The following EXOC2 variants were observed in gnomAD, a reference collection of about 807,000 sequenced individuals.
EXOC2 encodes SEC5-like 1.
A neutral mutation model predicts 131.8 loss-of-function variants in EXOC2; 70 were observed. The observed-to-expected ratio is 0.53, with a 90% CI of 0.44 to 0.65. EXOC2 has a LOEUF of 0.65. Ranked by LOEUF, EXOC2 falls within the 30% of genes least tolerant of loss-of-function variation. EXOC2 has a pLI of 0.00. For synonymous variants in EXOC2, 411 were observed against 398.4 expected, an observed-to-expected ratio of 1.03 and a Z score of -0.38; for missense variants, 923 against 1,108.6, an observed-to-expected ratio of 0.83 and a Z score of 2.38.
chr6:608,215 A>C (rs1443048584), intron 7 of EXOC2, among the ~76,000 whole-genome samples: 1 of 152,194 alleles, frequency 6.6e-6, no homozygotes, highest in African/African-American at 2.4e-5. Flanking sequence ...GATAACTACG[A>C]ACCCGCCTGG....
intron 6 of EXOC2, among the ~76,000 whole-genome samples, chr6:614,449 A>AAT (rs1760881933): frequency 6.6e-6 from 1 of 152,164 alleles, no homozygotes; most frequent in Non-Finnish European, 1.5e-5. Flanking sequence ...CATGGATGAA[A>AAT]ATTTCCTAGA....
At chr6:628,229 C>T (rs555120451) in intron 4 of EXOC2, among the ~76,000 whole-genome samples, 1 of 152,312 alleles carries the variant, frequency 6.6e-6, no homozygotes, top group East Asian at 1.9e-4. Flanking sequence ...AGTGGCACAG[C>T]CCAAGTTCAA....
At chr6:534,980 G>A (rs957284658) in intron 22 of EXOC2, among the ~76,000 whole-genome samples, 1 of 152,214 alleles carries the variant, frequency 6.6e-6, no homozygotes, top group Non-Finnish European at 1.5e-5. Flanking sequence ...ATCTGCAAGA[G>A]AGAACCAGTG....
At chr6:549,017 A>T (rs988061866) in intron 22 of EXOC2, among the ~76,000 whole-genome samples, 158 bp downstream of exon 22, 1 of 152,212 alleles carries the variant, frequency 6.6e-6, no homozygotes, top group African/African-American at 2.4e-5. Context: ...GAAGGGAATC[A>T]TCCAAAGCTT....
At chr6:537,468 C>T (rs560708360) in intron 22 of EXOC2, among the ~76,000 whole-genome samples, 4 of 151,214 alleles carry the variant, frequency 2.6e-5, no homozygotes, top group East Asian at 2.0e-4. Flanking sequence ...TGATGGCCGA[C>T]GGAGCGTACA....
chr6:566,893 G>A (rs1757994855), intron 13 of EXOC2, among the ~76,000 whole-genome samples: 1 of 152,052 alleles, frequency 6.6e-6, no homozygotes, highest in African/African-American at 2.4e-5. Flanking sequence ...CTCTTTCTTA[G>A]GTCTTTCTGG....
At chr6:542,131 T>C (rs1201826215) in intron 22 of EXOC2, among the ~76,000 whole-genome samples, 3 of 152,178 alleles carry the variant, frequency 2.0e-5, no homozygotes, top group African/African-American at 7.2e-5. Context: ...AGAAGGTGGG[T>C]GGCATGGCTG....
intron 22 of EXOC2, among the ~76,000 whole-genome samples, chr6:540,773 T>G (rs1392302696): frequency 2.0e-5 from 3 of 152,120 alleles, no homozygotes; most frequent in Non-Finnish European, 4.4e-5. Flanking sequence ...GGCTTAGAAC[T>G]TTCCAGAATT....
chr6:655,894 A>G (rs1486999738), intron 1 of EXOC2: 2 of 462,136 alleles, frequency 4.3e-6, no homozygotes, highest in African/African-American at 3.9e-5. Context: ...CTTAAGCAGG[A>G]AAAAAACCTG....
intron 1 of EXOC2, among the ~76,000 whole-genome samples, chr6:655,784 A>T (rs1384546008): frequency 1.3e-5 from 2 of 152,224 alleles, no homozygotes; most frequent in Non-Finnish European, 2.9e-5. Context: ...TTTATAATAA[A>T]ATACTGATGC....
At chr6:527,481 C>T (rs770507113) in intron 23 of EXOC2, among the ~76,000 whole-genome samples, 1 of 152,258 alleles carries the variant, frequency 6.6e-6, no homozygotes, top group Non-Finnish European at 1.5e-5. Flanking sequence ...CATTTTCTTT[C>T]TCTTCAATTT....
chr6:691,322 A>AT (rs910603995), intron 1 of EXOC2, among the ~76,000 whole-genome samples: 24 of 152,240 alleles, frequency 1.6e-4, no homozygotes, highest in African/African-American at 5.5e-4. Flanking sequence ...TTATACACGG[A>AT]TTTTTTCAAC....
intron 1 of EXOC2, among the ~76,000 whole-genome samples, chr6:672,391 T>A (rs983442956): frequency 6.6e-6 from 1 of 152,270 alleles, no homozygotes; most frequent in Non-Finnish European, 1.5e-5. Context: ...GCTGGTTTGA[T>A]CATTCTAACA....
At chr6:542,688 C>A (rs1248650678) in intron 22 of EXOC2, among the ~76,000 whole-genome samples, 1 of 152,154 alleles carries the variant, frequency 6.6e-6, no homozygotes, top group Admixed American at 6.5e-5. Flanking sequence ...ACAACACAAG[C>A]TACAGATAAA....
At chr6:548,682 C>T (rs899309593) in intron 22 of EXOC2, among the ~76,000 whole-genome samples, 1 of 152,078 alleles carries the variant, frequency 6.6e-6, no homozygotes, top group African/African-American at 2.4e-5. Flanking sequence ...TGTGTGCACG[C>T]GTGCATGCAC....
At chr6:535,419 A>G (rs1316927678) in intron 22 of EXOC2, among the ~76,000 whole-genome samples, 1 of 152,268 alleles carries the variant, frequency 6.6e-6, no homozygotes, top group East Asian at 1.9e-4. Flanking sequence ...AGAAACGATA[A>G]GCTCCTGGGC....
chr6:652,526 C>T (rs529504327), intron 1 of EXOC2, among the ~76,000 whole-genome samples: 1 of 152,318 alleles, frequency 6.6e-6, no homozygotes, highest in South Asian at 2.1e-4. Flanking sequence ...GCTTATCTTA[C>T]TGCATAAGCC....
intron 2 of EXOC2, 78 bp downstream of exon 2, chr6:637,623 T>C (rs1415126384): frequency 5.3e-6 from 6 of 1,139,522 alleles, no homozygotes; most frequent in Non-Finnish European, 7.5e-6. Flanking sequence ...CTTCACTGTT[T>C]GAAAATTACA....
chr6:643,392 G>C lies in EXOC2; in HGVS notation c.-43-5531C>G, dbSNP rs150963838. ...GAAGATTACAAAGGAATCTTCGTTA[G>C]CAATAGAAACACAATATCCAGAAAA... On this transcript the variant is annotated intron_variant, in intron 1 of 27. Transcript: ENST00000230449. Among the ~76,000 whole-genome samples, 383 of 152,174 alleles carry C rather than the reference G, an allele frequency of 2.5e-3. 1 individual carries two copies. Among genetic ancestry groups the C allele is most frequent in the African/African-American group, 8.3e-3 (343 of 41,534 alleles).
Sources: allele counts gnomAD v4.1 joint callset (sites outside exome capture counted in the v4.1 genomes callset), GRCh38; gene constraint gnomAD v4.1.1; transcripts MANE v1.5; gene names NCBI Gene and HGNC (gene_info 2026-07-23, HGNC 2026-07-21).